USP13: variants seen among roughly 807,000 people sequenced by gnomAD.
USP13 encodes the protein ubiquitin carboxyl-terminal hydrolase 13.
Under a neutral mutation model 107.8 loss-of-function variants are expected in USP13, and 68 were observed. The observed-to-expected ratio is 0.63, with a 90% confidence interval of 0.52 to 0.77. The LOEUF (loss-of-function observed/expected upper bound fraction) is 0.77, where lower values mean the gene tolerates loss of function less well. Among genes scored for constraint, USP13 ranks in the 30% least tolerant of loss-of-function variants. USP13 has a pLI of 0.00. For synonymous variants in USP13, 377 were observed against 389.5 expected (o/e 0.97, Z 0.38); for missense variants, 945 against 1,093.3 (o/e 0.86, Z 1.91).
chr3:179,653,696 C>G lies in USP13; in HGVS notation c.168+303C>G, dbSNP rs548850535. ...AGATGAAATACAAGAGTTCCCTGTT[C>G]CGAACTGCACGTTGCAGATCGTTTG... On this transcript the variant is annotated intron_variant, in intron 1 of 20. Coordinates refer to ENST00000263966, the MANE Select transcript of USP13 (RefSeq NM_003940.3). The surrounding 1 kb of genome is among the most constrained non-coding windows in gnomAD (Gnocchi z 4.0). 3.4e-5 allele frequency: 11 copies of G among 327,906 alleles called. No homozygotes were observed. Among genetic ancestry groups the G allele is most frequent in the Admixed American group, 2.8e-4 (6 of 21,674 alleles). 20.3% of individuals were successfully genotyped at this position (327,906 alleles called of 1,614,324 possible).
Position 179,745,123 on chromosome 3 carries a change from A to T in USP13, c.1615A>T (p.Ile539Leu). The T allele has an allele frequency of 6.2e-7, 1 of 1,614,188 alleles. No homozygotes were observed. Reference sequence around the variant, plus strand: ...CCTTCCTGAGTTGGTACGTGCCAAGATACCATTTAGTGCCTGCCTTCAGGC... The same window carrying T: ...CCTTCCTGAGTTGGTACGTGCCAAGTTACCATTTAGTGCCTGCCTTCAGGC... The part of the protein sequence containing the change: ...RPLPELVRAK[I>L]PFSACLQAFS... Residue 539 changes from isoleucine (I) to leucine (L), a missense_variant, in exon 13 of 21, where the codon ATA (isoleucine) becomes TTA (leucine). Physicochemically the swap from Ile to Leu is conservative, Grantham distance 5. Coordinates refer to ENST00000263966, the MANE Select transcript of USP13 (RefSeq NM_003940.3).
chr3:179,666,831 C>T (rs943303330), intron 1 of USP13, among the ~76,000 whole-genome samples: 4 of 152,204 alleles, frequency 2.6e-5, no homozygotes, highest in Admixed American at 2.0e-4. Flanking sequence ...GTCACCAAAA[C>T]GACATCTGCT....
Position 179,742,414 on chromosome 3 carries a change from A to G in USP13, c.1534+64A>G. 1.3e-6 allele frequency: 2 copies of G among 1,597,622 alleles called. No homozygotes were observed. The highest frequency in any genetic ancestry group is 4.5e-5 in the East Asian group (2 of 44,238). On this transcript the variant is annotated intron_variant, in intron 12 of 20. Coordinates refer to ENST00000263966, the MANE Select transcript of USP13 (RefSeq NM_003940.3). The surrounding 1 kb of genome is among the most constrained non-coding windows in gnomAD (Gnocchi z 5.0). ...TCATATGGGAAAACCCTCAAATCAG[A>G]GAGAATGGTTTAGTCACTGAAGTGT...
intron 13 of USP13, among the ~76,000 whole-genome samples, chr3:179,746,594 G>A (rs999462461): frequency 2.0e-5 from 3 of 152,060 alleles, no homozygotes; most frequent in Non-Finnish European, 4.4e-5. Context: ...CACCATGCCC[G>A]GCTAGTTTTG....
intron 5 of USP13, among the ~76,000 whole-genome samples, chr3:179,708,542 C>G (rs1268690316): frequency 1.3e-5 from 2 of 152,106 alleles, no homozygotes; most frequent in Admixed American, 1.3e-4. Flanking sequence ...TCTTGAACTC[C>G]TGACCTCAGT....
At chr3:179,671,775 A>G (rs1317532314) in intron 1 of USP13, among the ~76,000 whole-genome samples, 4 of 152,108 alleles carry the variant, frequency 2.6e-5, no homozygotes, top group Admixed American at 2.6e-4. Flanking sequence ...TCGATGTTCT[A>G]GAAAATACGG....
At chr3:179,677,259 G>A (rs963634701) in intron 1 of USP13, among the ~76,000 whole-genome samples, 3 of 151,784 alleles carry the variant, frequency 2.0e-5, no homozygotes, top group South Asian at 2.1e-4. Flanking sequence ...ATTATCAAGC[G>A]GCTTCAGAAA....
intron 1 of USP13, among the ~76,000 whole-genome samples, chr3:179,673,955 C>T (rs1165510015): frequency 3.3e-5 from 5 of 152,134 alleles, no homozygotes; most frequent in East Asian, 1.9e-4. Flanking sequence ...TGCAATGGCG[C>T]GATCTTGGCT....
In USP13 at chr3:179,788,064, A is replaced by C. The variant is rs1715962400; in HGVS notation, c.*3923A>C. On this transcript the variant is annotated 3_prime_UTR_variant, in exon 21 of 21. Coordinates refer to ENST00000263966, the MANE Select transcript of USP13 (RefSeq NM_003940.3). ...TTATAGAATATTTTGAAATTCTGGAAGAGGATGGGAAACAAAATTCTAATT... is the reference window on the plus strand; with the variant it reads ...TTATAGAATATTTTGAAATTCTGGACGAGGATGGGAAACAAAATTCTAATT... The C allele has an allele frequency of 6.6e-6, 1 of 152,208 alleles. No individual in the cohort carries two copies. Among genetic ancestry groups the C allele is most frequent in the African/African-American group, 2.4e-5 (1 of 41,444 alleles). 9.4% of individuals were successfully genotyped at this position (152,208 alleles called of 1,614,324 possible).
chr3:179,677,753 C>T (rs1219375552), intron 1 of USP13, among the ~76,000 whole-genome samples: 1 of 151,736 alleles, frequency 6.6e-6, no homozygotes, highest in Non-Finnish European at 1.5e-5. Flanking sequence ...CATTTTTGTT[C>T]TTCTGATTGC....
In USP13 at chr3:179,653,420, C is replaced by T. The variant is rs936040785; in HGVS notation, c.168+27C>T. On this transcript the variant is annotated intron_variant, in intron 1 of 20. Coordinates refer to ENST00000263966, the MANE Select transcript of USP13 (RefSeq NM_003940.3). This position sits in a 1 kb window ranked among gnomAD's most constrained non-coding sequence, Gnocchi z 4.0. Reference sequence around the variant, plus strand: ...TAAGTGAGGCGCCTCGGGGGAGGGTCGCGGGGCCGGCGGCCTGCGGCACGT... The same window carrying T: ...TAAGTGAGGCGCCTCGGGGGAGGGTTGCGGGGCCGGCGGCCTGCGGCACGT... 30 of 1,542,522 alleles carry T rather than the reference C, an allele frequency of 1.9e-5. No homozygotes were observed. Among genetic ancestry groups the T allele is most frequent in the Non-Finnish European group, 2.5e-5 (28 of 1,141,238 alleles).
chr3:179,657,625 G>T (rs935168946), intron 1 of USP13, among the ~76,000 whole-genome samples: 13 of 151,474 alleles, frequency 8.6e-5, no homozygotes, highest in African/African-American at 3.2e-4. Flanking sequence ...TCATCTGGGT[G>T]TGGTGGCACG....
intron 8 of USP13, among the ~76,000 whole-genome samples, chr3:179,728,352 G>A (rs1713645843): frequency 6.7e-6 from 1 of 148,490 alleles, no homozygotes; most frequent in African/African-American, 2.5e-5. Flanking sequence ...CGGGGCGGCA[G>A]GGCAGAGGTG....
Position 179,682,011 on chromosome 3 carries a change from C to A in USP13, c.294+8C>A. 2 of 1,609,156 alleles carry A rather than the reference C, an allele frequency of 1.2e-6. No homozygotes were observed. The highest frequency in any genetic ancestry group is 1.1e-5 in the South Asian group (1 of 90,220). On this transcript the variant is annotated splice_region_variant and intron_variant, in intron 2 of 20. Coordinates refer to ENST00000263966, the MANE Select transcript of USP13 (RefSeq NM_003940.3). ...AAAAGACATGTGCGAGAGGTGAGAG[C>A]GGCACTTTCAGAGAACTGGCCTTGA...
chr3:179,707,422 A>T (rs961403084), intron 5 of USP13, among the ~76,000 whole-genome samples: 1 of 151,948 alleles, frequency 6.6e-6, no homozygotes. Context: ...GCAGCCCTAA[A>T]CCGGTGACTG....
intron 4 of USP13, among the ~76,000 whole-genome samples, chr3:179,705,830 C>T (rs1712692639): frequency 6.6e-6 from 1 of 152,148 alleles, no homozygotes; most frequent in Non-Finnish European, 1.5e-5. Context: ...TCAAGCGATC[C>T]TCCTGCCTCA....
chr3:179,708,341 C>G (rs1231050392), intron 5 of USP13, among the ~76,000 whole-genome samples: 4 of 149,866 alleles, frequency 2.7e-5, no homozygotes, highest in Non-Finnish European at 5.9e-5. Context: ...GAGTCTTGCT[C>G]TGTCACCCAG....
chr3:179,768,354 C>T (rs191170865), intron 19 of USP13, among the ~76,000 whole-genome samples: 3 of 152,332 alleles, frequency 2.0e-5, no homozygotes, highest in Non-Finnish European at 4.4e-5. Flanking sequence ...ACATCATCTC[C>T]TCAGGGCTTA....
chr3:179,706,369 C>A (rs1712719073), intron 4 of USP13, among the ~76,000 whole-genome samples: 1 of 152,196 alleles, frequency 6.6e-6, no homozygotes, highest in Non-Finnish European at 1.5e-5. Context: ...CCGAGCAGTT[C>A]ATCACAGATT....
Sources: allele counts gnomAD v4.1 joint callset (sites outside exome capture counted in the v4.1 genomes callset), GRCh38; gene constraint gnomAD v4.1.1; non-coding constraint Gnocchi (gnomAD v3.1); transcripts MANE v1.5; gene names NCBI Gene and HGNC (gene_info 2026-07-23, HGNC 2026-07-21).